Variants in GABRG3 observed in about 807,000 individuals in gnomAD.
GABRG3 encodes the protein gamma-aminobutyric acid receptor subunit gamma-3.
Under a neutral mutation model 48.8 loss-of-function variants are expected in GABRG3, and 25 were observed. That is an observed-to-expected ratio of 0.51 (90% CI 0.37 to 0.72). The LOEUF is 0.72. Among genes scored for constraint, GABRG3 ranks in the 30% least tolerant of loss-of-function variants. The pLI, the probability that GABRG3 is intolerant of heterozygous loss-of-function variation, is 0.00. For missense variants in GABRG3, 394 were observed against 577.9 expected (o/e 0.68, Z 3.26); for synonymous variants, 227 against 217.6 (o/e 1.04, Z -0.38).
chr15:27,517,005 C>T (rs565969866), intron 6 of GABRG3, among the ~76,000 whole-genome samples: 1 of 152,342 alleles, frequency 6.6e-6, no homozygotes, highest in East Asian at 1.9e-4. Context: ...CTGACAGCAT[C>T]GTGCACACCT....
At chr15:27,063,563 G>A (rs760314330) in intron 3 of GABRG3, among the ~76,000 whole-genome samples, 6 of 152,208 alleles carry the variant, frequency 3.9e-5, no homozygotes, top group Non-Finnish European at 7.3e-5. Context: ...TTCTGCCCGT[G>A]ACTGAAAGGA....
At chr15:27,329,979 C>G (rs550841041) in intron 5 of GABRG3, among the ~76,000 whole-genome samples, 1 of 152,122 alleles carries the variant, frequency 6.6e-6, no homozygotes, top group African/African-American at 2.4e-5. Context: ...TGGTGGCTCA[C>G]GCCTGTAATC....
At chr15:27,454,610 C>A (rs1402644073) in intron 5 of GABRG3, among the ~76,000 whole-genome samples, 2 of 152,150 alleles carry the variant, frequency 1.3e-5, no homozygotes, top group Non-Finnish European at 2.9e-5. Flanking sequence ...TTCTTTCATG[C>A]TGGGAGGATT....
intron 3 of GABRG3, among the ~76,000 whole-genome samples, chr15:27,294,105 T>C (rs1011739590): frequency 5.9e-5 from 9 of 152,078 alleles, no homozygotes; most frequent in African/African-American, 1.9e-4. Context: ...GGGAAGAGCA[T>C]TCCAGTAAGA....
At chr15:27,351,096 GGT>G (rs775068119) in intron 5 of GABRG3, among the ~76,000 whole-genome samples, 2 of 148,024 alleles carry the variant, frequency 1.4e-5, no homozygotes, top group African/African-American at 5.0e-5. Context: ...GTGTGTGTAT[GGT>G]GTGTGTGTAT....
Position 27,536,199 on chromosome 15 carries a change from T to C in GABRG3, c.*3318T>C, listed in dbSNP as rs1485227093. ...AAAGCAAAGAAAAGGCATTTCACAT[T>C]AATGGAATTGGAGAAAAATGTCTCT... On this transcript the variant is annotated 3_prime_UTR_variant, in exon 10 of 10. Coordinates refer to ENST00000615808, the MANE Select transcript of GABRG3 (RefSeq NM_033223.5). 1 of 152,184 alleles carries C rather than the reference T, an allele frequency of 6.6e-6. No homozygotes were observed. Among genetic ancestry groups the C allele is most frequent in the Non-Finnish European group, 1.5e-5 (1 of 68,052 alleles). The allele number at this position is 152,184 out of a possible 1,614,324, so 9.4% of individuals were successfully genotyped here. A position where few individuals can be genotyped will look rare whatever the true frequency, so the allele number is the denominator to read the frequency against.
Position 26,977,020 on chromosome 15 carries a change from G to C in GABRG3, c.72G>C (p.Glu24Asp), listed in dbSNP as rs538439922. 2.5e-6 allele frequency: 4 copies of C among 1,613,860 alleles called. No individual in the cohort carries two copies. The highest frequency in any genetic ancestry group is 2.7e-5 in the African/African-American group (2 of 74,998). ...ACTCCAGGTCCAGAAAGGTGGAAGAGGATGAATATGAAGATTCATCATCAA... is the reference window on the plus strand; with the variant it reads ...ACTCCAGGTCCAGAAAGGTGGAAGACGATGAATATGAAGATTCATCATCAA... ...GLHARSRKVEEDEYEDSSSNQ... is the reference protein window; with the variant it reads ...GLHARSRKVEDDEYEDSSSNQ... Residue 24 changes from glutamate (E) to aspartate (D), a missense_variant, in exon 2 of 10, where the codon GAG becomes GAC. Physicochemically the swap from Glu to Asp is conservative, Grantham distance 45 (BLOSUM62 2). This residue lies in a region of GABRG3 where 218 missense variants were observed against 309.9 expected (regional missense o/e 0.70). Transcript: ENST00000615808.
intron 5 of GABRG3, among the ~76,000 whole-genome samples, chr15:27,346,042 A>G (rs1433029851): frequency 5.4e-5 from 7 of 129,188 alleles, no homozygotes; most frequent in African/African-American, 2.1e-4. Flanking sequence ...TGACAGAGTG[A>G]GACTCCCTCT....
chr15:27,097,426 T>C (rs1897283384), intron 3 of GABRG3, among the ~76,000 whole-genome samples: 1 of 152,098 alleles, frequency 6.6e-6, no homozygotes, highest in African/African-American at 2.4e-5. Context: ...TCCTGAGGCA[T>C]AGAAAAATTT....
intron 6 of GABRG3, among the ~76,000 whole-genome samples, chr15:27,501,010 G>C (rs1387753067): frequency 6.9e-6 from 1 of 145,256 alleles, no homozygotes; most frequent in African/African-American, 2.6e-5. Context: ...GGAGTGCAGT[G>C]GCGCGATCTC....
chr15:27,371,415 C>T (rs151083802), intron 5 of GABRG3, among the ~76,000 whole-genome samples: 1 of 152,122 alleles, frequency 6.6e-6, no homozygotes, highest in Non-Finnish European at 1.5e-5. Context: ...TGATCACATT[C>T]TGTAAAAAGA....
At position 27,540,828 on chromosome 15, in the gene GABRG3, G is replaced by C. The variant is rs1258375793; in HGVS notation, c.*7947G>C. 1 of 152,188 alleles carries C rather than the reference G, an allele frequency of 6.6e-6. No homozygotes were observed. The highest frequency in any genetic ancestry group is 1.5e-5 in the Non-Finnish European group (1 of 68,032). 9.4% of individuals were successfully genotyped at this position (152,188 alleles called of 1,614,324 possible). A position where few individuals can be genotyped will look rare whatever the true frequency, so the allele number is the denominator to read the frequency against. ...GGCCATCTTGTGTTTACATGCAGTGGTCTGTGTATTTGTGTCTGTACGTAC... is the reference window on the plus strand; with the variant it reads ...GGCCATCTTGTGTTTACATGCAGTGCTCTGTGTATTTGTGTCTGTACGTAC... On this transcript the variant is annotated 3_prime_UTR_variant, in exon 10 of 10. Coordinates refer to ENST00000615808, the MANE Select transcript of GABRG3 (RefSeq NM_033223.5).
At chr15:27,502,828 G>A (rs538711557) in intron 6 of GABRG3, among the ~76,000 whole-genome samples, 5 of 152,324 alleles carry the variant, frequency 3.3e-5, no homozygotes, top group South Asian at 2.1e-4. Flanking sequence ...TACGTAGGGC[G>A]AGGTCTGGAA....
chr15:27,374,695 G>A (rs1299082677), intron 5 of GABRG3, among the ~76,000 whole-genome samples: 1 of 152,166 alleles, frequency 6.6e-6, no homozygotes, highest in African/African-American at 2.4e-5. Context: ...ACGCCAAGGT[G>A]TGTGTGGAGC....
At chr15:27,475,723 T>A (rs1889919876) in intron 5 of GABRG3, among the ~76,000 whole-genome samples, 1 of 151,902 alleles carries the variant, frequency 6.6e-6, no homozygotes. Flanking sequence ...ATGGTAGTGG[T>A]GATGGTGATG....
intron 6 of GABRG3, among the ~76,000 whole-genome samples, chr15:27,508,965 C>T (rs915491862): frequency 3.3e-5 from 5 of 152,110 alleles, no homozygotes; most frequent in Admixed American, 6.6e-5. Flanking sequence ...CTGATCCGCC[C>T]GCCTTGGCCT....
chr15:27,022,068 T>C (rs1895904911), intron 2 of GABRG3, among the ~76,000 whole-genome samples: 1 of 152,164 alleles, frequency 6.6e-6, no homozygotes, highest in Admixed American at 6.5e-5. Context: ...CCCTGGTAGA[T>C]GACTGCAGAA....
At chr15:27,366,491 T>C (rs1344822716) in intron 5 of GABRG3, 2 of 152,318 alleles carry the variant, frequency 1.3e-5, no homozygotes, top group East Asian at 1.9e-4. Context: ...TCGCCAGTAA[T>C]TAAAAGTATC....
At chr15:27,102,060 G>A (rs368152874) in intron 3 of GABRG3, among the ~76,000 whole-genome samples, 17 of 151,840 alleles carry the variant, frequency 1.1e-4, no homozygotes, top group South Asian at 6.2e-4. Context: ...GCCTCTCTAC[G>A]TCCATGTGAA....
Sources: gnomAD v4.1 joint callset for allele counts (sites outside exome capture counted in the v4.1 genomes callset) on GRCh38, gnomAD v4.1.1 for gene constraint, gnomAD v4.1.1 regional missense constraint, MANE v1.5 for transcripts, NCBI Gene and HGNC (gene_info 2026-07-23, HGNC 2026-07-21) for gene names.